COL24A1: variants seen among roughly 807,000 people sequenced by gnomAD.
The protein encoded by COL24A1 is collagen type XXIV alpha 1 chain.
Under a neutral mutation model 253.9 loss-of-function variants are expected in COL24A1, and 224 were observed. The ratio of observed to expected loss-of-function variants is 0.88; its 90% CI spans 0.79 to 0.99. The LOEUF (loss-of-function observed/expected upper bound fraction) is 0.99, where lower values mean the gene tolerates loss of function less well. Ranked by LOEUF, COL24A1 falls within the 50% of genes least tolerant of loss-of-function variation. The pLI, the probability that COL24A1 is intolerant of heterozygous loss-of-function variation, is 0.00. For missense variants in COL24A1, 2,131 were observed against 2,068.5 expected, an observed-to-expected ratio of 1.03 and a Z score of -0.59; for synonymous variants, 685 against 673.7, an observed-to-expected ratio of 1.02 and a Z score of -0.26.
intron 35 of COL24A1, among the ~76,000 whole-genome samples, chr1:85,874,126 T>C (rs1362087088): frequency 6.6e-6 from 1 of 152,142 alleles, no homozygotes; most frequent in Non-Finnish European, 1.5e-5. Context: ...CCTATTATCT[T>C]AGGAAAAAAC....
At chr1:85,803,519 A>G (rs1671656927) in intron 47 of COL24A1, among the ~76,000 whole-genome samples, 1 of 151,850 alleles carries the variant, frequency 6.6e-6, no homozygotes, top group African/African-American at 2.4e-5. Context: ...TAGTATATAT[A>G]CCATGTATTT....
At chr1:85,948,000 C>CT (rs1689494863) in intron 24 of COL24A1, among the ~76,000 whole-genome samples, 1 of 151,948 alleles carries the variant, frequency 6.6e-6, no homozygotes, top group Admixed American at 6.6e-5. Context: ...CAGTTTATTC[C>CT]TTTTTTCCCT....
At chr1:86,122,605 A>G (rs577333924) in intron 3 of COL24A1, among the ~76,000 whole-genome samples, 1 of 152,124 alleles carries the variant, frequency 6.6e-6, no homozygotes, top group African/African-American at 2.4e-5. Flanking sequence ...AGTTTTTAAT[A>G]ATGATATCAC....
chr1:86,008,585 C>T (rs1023588449), intron 19 of COL24A1, among the ~76,000 whole-genome samples: 1 of 152,046 alleles, frequency 6.6e-6, no homozygotes, highest in Non-Finnish European at 1.5e-5. Flanking sequence ...CCACTAACAC[C>T]AGGAACAGAG....
chr1:86,037,369 C>A (rs892247687), intron 12 of COL24A1, among the ~76,000 whole-genome samples: 19 of 152,134 alleles, frequency 1.2e-4, no homozygotes, highest in Admixed American at 9.8e-4. Context: ...ATAAGACTGT[C>A]TTAGCAGCCT....
chr1:85,800,754 G>A (rs1324377328), intron 47 of COL24A1, among the ~76,000 whole-genome samples: 9 of 152,146 alleles, frequency 5.9e-5, no homozygotes, highest in Admixed American at 5.2e-4. Context: ...CCCCGCCTCT[G>A]TGTATCACTA....
chr1:85,915,463 T>G (rs1377627123), intron 24 of COL24A1, among the ~76,000 whole-genome samples: 2 of 152,138 alleles, frequency 1.3e-5, no homozygotes, highest in Non-Finnish European at 2.9e-5. Flanking sequence ...CCCACAATCA[T>G]GTGAGCCAAT....
In COL24A1 at chr1:85,761,431, C is replaced by T. The variant is rs1209861559; in HGVS notation, c.4411-9G>A. 1.2e-6 allele frequency: 2 copies of T among 1,613,988 alleles called. No homozygotes were observed. Among genetic ancestry groups the T allele is most frequent in the South Asian group, 1.1e-5 (1 of 91,070 alleles). On this transcript the variant is annotated splice_polypyrimidine_tract_variant and intron_variant, in intron 54 of 59. Transcript: ENST00000370571. ...GGTGCTCCAGGTGGACCCTAGAACA[C>T]AGCAAATTAAAAAAAATACACATTT...
intron 39 of COL24A1, 74 bp from the exon 40 acceptor site, chr1:85,842,467 T>C (rs2102259234): frequency 6.0e-6 from 6 of 1,003,208 alleles, no homozygotes; most frequent in Non-Finnish European, 7.6e-6. Flanking sequence ...TCTACTCCTA[T>C]TGTTTAAATT....
chr1:85,886,934 GA>G (rs1337899549), intron 32 of COL24A1, among the ~76,000 whole-genome samples: 2 of 152,060 alleles, frequency 1.3e-5, no homozygotes, highest in Non-Finnish European at 2.9e-5. Flanking sequence ...TGCTGATATA[GA>G]GTACTCTTAT....
At chr1:85,775,259 T>C (rs148202768) in intron 53 of COL24A1, among the ~76,000 whole-genome samples, 4,598 of 152,266 alleles carry the variant, frequency 0.03, 79 homozygotes, top group East Asian at 0.082. Context: ...TTTCTGTTCT[T>C]TTACATTTGC....
rs1226440501 is a variant in COL24A1, at chr1:86,128,199, C to T, written c.122-1985G>A. Among the ~76,000 whole-genome samples the T allele has an allele frequency of 2.6e-5, 4 of 151,966 alleles. No individual in the cohort carries two copies. In the East Asian group the frequency reaches 7.7e-4, roughly 29 times the overall value. ...ATTTAAACTTTAATCCATAATATGG[C>T]TGGTTGTTTCAATATACAATATAAA... On this transcript the variant is annotated intron_variant, in intron 2 of 59. Transcript: ENST00000370571.
At position 85,856,040 on chromosome 1, in the gene COL24A1, T is replaced by A. The variant is rs574386473; in HGVS notation, c.3301-6634A>T. ...TATTTCCGTGGTATTGATGGTAACATCCCCTTTGTCATTTCTGAATGTGTT... is the reference window on the plus strand; with the variant it reads ...TATTTCCGTGGTATTGATGGTAACAACCCCTTTGTCATTTCTGAATGTGTT... On this transcript the variant is annotated intron_variant, in intron 37 of 59. Coordinates refer to ENST00000370571, the MANE Select transcript of COL24A1 (RefSeq NM_152890.7). 2.0e-5 allele frequency among the ~76,000 whole-genome samples: 3 copies of A among 152,282 alleles called. No individual in the cohort carries two copies. The South Asian group carries it at 6.2e-4, about 32-fold the overall frequency.
intron 57 of COL24A1, 55 bp from the exon 58 acceptor site, chr1:85,737,560 T>A (rs1463802855): frequency 1.6e-6 from 2 of 1,242,898 alleles, no homozygotes; most frequent in Admixed American, 2.4e-5. Context: ...ATAATCCTTA[T>A]AATTTCTTTT....
At chr1:86,123,885 A>C (rs1408197876) in intron 3 of COL24A1, among the ~76,000 whole-genome samples, 1 of 151,974 alleles carries the variant, frequency 6.6e-6, no homozygotes, top group African/African-American at 2.4e-5. Context: ...GACTGGCTTC[A>C]CCTTCTCCCA....
intron 24 of COL24A1, among the ~76,000 whole-genome samples, chr1:85,936,540 T>A (rs1404089581): frequency 6.8e-6 from 1 of 146,802 alleles, no homozygotes; most frequent in Admixed American, 6.9e-5. Flanking sequence ...TAATATAACA[T>A]AAATAACATA....
intron 32 of COL24A1, 23 bp downstream of exon 32, chr1:85,889,537 G>T: frequency 6.3e-7 from 1 of 1,596,562 alleles, no homozygotes; most frequent in Non-Finnish European, 8.6e-7. Context: ...GACACAATTA[G>T]AAAAGTATAA....
chr1:86,118,244 T>C (rs1260576123), intron 3 of COL24A1, among the ~76,000 whole-genome samples: 1 of 152,052 alleles, frequency 6.6e-6, no homozygotes, highest in Non-Finnish European at 1.5e-5. Context: ...TTTGTATTTT[T>C]AGTAGAGACG....
rs989762360 is a variant in COL24A1 at position 85,730,322 on chromosome 1, G to C, written c.*224C>G. ...TTCTAGGGAATTCTCTAAGAAAGCT[G>C]AGATGAATATAATTTTTAAAAGAAT... is the stretch of plus-strand genomic sequence containing the variant. On this transcript the variant is annotated 3_prime_UTR_variant, in exon 60 of 60. Coordinates refer to ENST00000370571, the MANE Select transcript of COL24A1 (RefSeq NM_152890.7). 2.8e-6 allele frequency: 1 copy of C among 362,824 alleles called. No individual in the cohort carries two copies. Among genetic ancestry groups the C allele is most frequent in the African/African-American group, 2.1e-5 (1 of 48,466 alleles). The allele number at this position is 362,824 out of a possible 1,614,324, so 22.5% of individuals were successfully genotyped here. A position where few individuals can be genotyped will look rare whatever the true frequency, so the allele number is the denominator to read the frequency against.
Sources: gnomAD v4.1 joint callset for allele counts (sites outside exome capture counted in the v4.1 genomes callset) on GRCh38, gnomAD v4.1.1 for gene constraint, MANE v1.5 for transcripts, NCBI Gene and HGNC (gene_info 2026-07-23, HGNC 2026-07-21) for gene names.